STK32C: variants seen among roughly 807,000 people sequenced by gnomAD.
STK32C encodes the protein serine/threonine-protein kinase 32C.
A neutral mutation model predicts 56.5 loss-of-function variants in STK32C; 31 were observed. That is an observed-to-expected ratio of 0.55 (90% CI 0.41 to 0.74). The LOEUF (loss-of-function observed/expected upper bound fraction) is 0.74, where lower values mean the gene tolerates loss of function less well. Among genes scored for constraint, STK32C ranks in the 30% least tolerant of loss-of-function variants. The pLI, the probability that STK32C is intolerant of heterozygous loss-of-function variation, is 0.00. For missense variants in STK32C, 544 were observed against 676.9 expected, an observed-to-expected ratio of 0.80 and a Z score of 2.18; for synonymous variants, 309 against 289.4, an observed-to-expected ratio of 1.07 and a Z score of -0.69.
chr10:132,284,641 C>G (rs1391294954), intron 1 of STK32C, among the ~76,000 whole-genome samples: 2 of 152,072 alleles, frequency 1.3e-5, no homozygotes, highest in Non-Finnish European at 2.9e-5. Flanking sequence ...AGAACACATT[C>G]CCACATCTGC....
chr10:132,242,148 G>C (rs2137889219), intron 2 of STK32C, among the ~76,000 whole-genome samples: 1 of 151,070 alleles, frequency 6.6e-6, no homozygotes, highest in East Asian at 1.9e-4. Flanking sequence ...ATTCTCCCCA[G>C]AACAGAACGT....
chr10:132,288,410 G>A (rs1358622007), intron 1 of STK32C, among the ~76,000 whole-genome samples: 1 of 152,196 alleles, frequency 6.6e-6, no homozygotes, highest in Non-Finnish European at 1.5e-5. Flanking sequence ...GAACTAAAGA[G>A]GAATGAGACA....
chr10:132,309,147 C>G (rs750727343), upstream of STK32C, among the ~76,000 whole-genome samples: 1 of 152,190 alleles, frequency 6.6e-6, no homozygotes, highest in African/African-American at 2.4e-5. Flanking sequence ...AACTGTCTAC[C>G]CTGTCATTCA....
At chr10:132,226,672 G>C in intron 4 of STK32C, 123 bp downstream of exon 4, 1 of 1,183,790 alleles carries the variant, frequency 8.4e-7, no homozygotes, top group Non-Finnish European at 1.2e-6. Context: ...ACTCAGGCAA[G>C]GGTGGGGCAG....
chr10:132,279,439 G>A (rs2065086591), intron 1 of STK32C, among the ~76,000 whole-genome samples: 2 of 152,040 alleles, frequency 1.3e-5, no homozygotes, highest in South Asian at 4.1e-4. Context: ...CAGACTCTAC[G>A]TGACAAGTAC....
intron 1 of STK32C, among the ~76,000 whole-genome samples, chr10:132,267,854 C>T (rs1389312141): frequency 7.8e-6 from 1 of 128,894 alleles, no homozygotes; most frequent in Non-Finnish European, 1.6e-5. Flanking sequence ...CATGTGTATG[C>T]AGGTTCAGCT....
intron 1 of STK32C, among the ~76,000 whole-genome samples, chr10:132,292,510 C>T (rs1215206821): frequency 6.6e-6 from 1 of 152,224 alleles, no homozygotes; most frequent in Admixed American, 6.5e-5. Flanking sequence ...CTCAGGCACA[C>T]ATAAACACAT....
chr10:132,242,212 T>C (rs1211649580), intron 2 of STK32C, among the ~76,000 whole-genome samples: 2 of 151,814 alleles, frequency 1.3e-5, no homozygotes, highest in Non-Finnish European at 2.9e-5. Context: ...CCTTCAAGCA[T>C]GTATGGGGGC....
At chr10:132,223,758 C>A (rs1341844177) in intron 8 of STK32C, among the ~76,000 whole-genome samples, 1 of 152,230 alleles carries the variant, frequency 6.6e-6, no homozygotes, top group Non-Finnish European at 1.5e-5. Flanking sequence ...GCCCGTGTGG[C>A]ACACTCACTC....
intron 2 of STK32C, among the ~76,000 whole-genome samples, chr10:132,229,053 A>G (rs1184171727): frequency 2.6e-5 from 4 of 152,246 alleles, no homozygotes; most frequent in African/African-American, 9.6e-5. Context: ...AGAAGCATCA[A>G]TGAGCAGGGG....
intron 1 of STK32C, among the ~76,000 whole-genome samples, chr10:132,280,662 A>ACTCCACTCCGTGATCACGCAC (rs1455225754): frequency 1.0e-4 from 12 of 114,912 alleles, no homozygotes; most frequent in Non-Finnish European, 1.6e-4. Flanking sequence ...TGATCACCAC[A>ACTCCACTCCGTGATCACGCAC]CTCCACTCCG....
chr10:132,330,632 C>A, intron 1 of STK32C: 2 of 673,038 alleles, frequency 3.0e-6, no homozygotes, highest in Non-Finnish European at 5.5e-6. Flanking sequence ...CTCACCCTCC[C>A]ACACAGCTGG....
chr10:132,278,653 C>T (rs2065060152), intron 1 of STK32C, among the ~76,000 whole-genome samples: 1 of 150,410 alleles, frequency 6.6e-6, no homozygotes, highest in Non-Finnish European at 1.5e-5. Context: ...CCCAGCTGCT[C>T]AGGAGGCTGG....
Position 132,222,492 on chromosome 10 carries a change from G to A in STK32C, c.1251+149C>T, listed in dbSNP as rs2062713316. 6.8e-6 allele frequency: 7 copies of A among 1,024,922 alleles called. No homozygotes were observed. The Admixed American group carries it at 1.4e-4, about 21-fold the overall frequency. 63.5% of individuals were successfully genotyped at this position (1,024,922 alleles called of 1,614,324 possible). The stretch of plus-strand genomic sequence containing the variant: ...GGGGGCTGGGAAAGGCAGAAGGGAG[G>A]TCTCTGGCCTTCTCAGGACTTCAGG... On this transcript the variant is annotated intron_variant, in intron 10 of 11. Transcript: ENST00000298630.
chr10:132,304,631 A>T (rs968151711), intron 1 of STK32C, among the ~76,000 whole-genome samples: 25 of 152,366 alleles, frequency 1.6e-4, no homozygotes, highest in African/African-American at 4.8e-4. Flanking sequence ...TGACACCGTG[A>T]TCCCAATGCT....
At chr10:132,324,579 T>A (rs778818664) in intron 1 of STK32C, among the ~76,000 whole-genome samples, 1 of 152,264 alleles carries the variant, frequency 6.6e-6, no homozygotes, top group Non-Finnish European at 1.5e-5. Context: ...CGTAGAAATG[T>A]GTATTGTCCT....
chr10:132,227,745 T>A (rs2062943532), intron 3 of STK32C, among the ~76,000 whole-genome samples: 1 of 152,056 alleles, frequency 6.6e-6, no homozygotes, highest in African/African-American at 2.4e-5. Flanking sequence ...TCCGGCAGGC[T>A]CAGAAGAGAC....
chr10:132,251,001 G>A lies in STK32C; in HGVS notation c.263-5046C>T, dbSNP rs549840664. On this transcript the variant is annotated intron_variant, in intron 1 of 11. Transcript: ENST00000298630. ...TGGCGGTCTGCATAGCAGAGGCCTG[G>A]GTGGGGCCTATGGAGCATTAGGGGA... Among the ~76,000 whole-genome samples the A allele has an allele frequency of 6.6e-5, 10 of 152,310 alleles. No homozygotes were observed. The East Asian group carries it at 1.9e-3, about 29-fold the overall frequency.
intron 1 of STK32C, among the ~76,000 whole-genome samples, chr10:132,247,984 G>A (rs1177622374): frequency 1.3e-5 from 2 of 152,084 alleles, no homozygotes; most frequent in Admixed American, 6.5e-5. Context: ...ACCCGTGGCC[G>A]ACACCCACAA....
Sources: allele counts gnomAD v4.1 joint callset (sites outside exome capture counted in the v4.1 genomes callset), GRCh38; gene constraint gnomAD v4.1.1; transcripts MANE v1.5; gene names NCBI Gene and HGNC (gene_info 2026-07-23, HGNC 2026-07-21).